Variants in SAMD5 observed in about 807,000 individuals in gnomAD.
The protein encoded by SAMD5 is sterile alpha motif domain containing 5, also known as sterile alpha motif domain-containing protein 5.
In SAMD5, 13 loss-of-function variants were observed where a neutral mutation model predicts 11.3. That is an observed-to-expected ratio of 1.15 (90% CI 0.75 to 1.83). The LOEUF is 1.83. Among genes scored for constraint, SAMD5 ranks in the 40% most tolerant of loss-of-function variants. The pLI, the probability that SAMD5 is intolerant of heterozygous loss-of-function variation, is 0.00. For synonymous variants in SAMD5, 129 were observed against 111.3 expected (o/e 1.16, Z -1.00); for missense variants, 255 against 239.1 (o/e 1.07, Z -0.44).
chr6:147,804,564 G>A, the SAMD5 span, among the ~76,000 whole-genome samples: 17 of 152,276 alleles, frequency 1.1e-4, 1 homozygote, highest in East Asian at 3.3e-3. Context: ...AGATAATCTA[G>A]CATCAAAGTT....
chr6:147,941,714 C>A, the SAMD5 span, among the ~76,000 whole-genome samples: 1 of 152,090 alleles, frequency 6.6e-6, no homozygotes, highest in Admixed American at 6.6e-5. Context: ...CAGAGCAACT[C>A]AATGAGAATG....
intron 1 of SAMD5, among the ~76,000 whole-genome samples, chr6:147,614,040 G>A (rs1366353514): frequency 1.3e-5 from 2 of 152,028 alleles, no homozygotes; most frequent in African/African-American, 4.8e-5. Flanking sequence ...GAGCAGAAAA[G>A]GAGCTGCTAA....
chr6:147,735,531 TG>T (rs527738962), intron 1 of SAMD5, among the ~76,000 whole-genome samples: 21 of 152,318 alleles, frequency 1.4e-4, no homozygotes, highest in Non-Finnish European at 2.4e-4. Context: ...GTGGAGATGG[TG>T]AGATTTCTGA....
At chr6:147,781,084 A>G in the SAMD5 span, among the ~76,000 whole-genome samples, 1 of 152,012 alleles carries the variant, frequency 6.6e-6, no homozygotes, top group Non-Finnish European at 1.5e-5. Flanking sequence ...TAATTGTCCT[A>G]ATTTTAGGCA....
At chr6:147,726,616 G>A (rs972320727) in intron 1 of SAMD5, among the ~76,000 whole-genome samples, 4 of 152,192 alleles carry the variant, frequency 2.6e-5, no homozygotes, top group African/African-American at 9.6e-5. Flanking sequence ...TATAGGGTGT[G>A]GGGGTTAAGA....
At chr6:147,859,443 T>C in the SAMD5 span, among the ~76,000 whole-genome samples, 1 of 152,348 alleles carries the variant, frequency 6.6e-6, no homozygotes, top group South Asian at 2.1e-4. Flanking sequence ...TAAATACTGA[T>C]GTCTGCTGAT....
intron 1 of SAMD5, among the ~76,000 whole-genome samples, chr6:147,548,036 A>T (rs919786969): frequency 6.6e-5 from 10 of 152,196 alleles, no homozygotes; most frequent in African/African-American, 2.4e-4. Context: ...GGGCATATAG[A>T]ATAGTTTACT....
At chr6:147,927,049 C>G in the SAMD5 span, among the ~76,000 whole-genome samples, 2 of 152,280 alleles carry the variant, frequency 1.3e-5, no homozygotes, top group South Asian at 4.1e-4. Context: ...CAGTACCAAG[C>G]TGTTTTGGTT....
the SAMD5 span, among the ~76,000 whole-genome samples, chr6:147,930,900 C>T: frequency 5.9e-5 from 9 of 152,226 alleles, no homozygotes; most frequent in East Asian, 3.8e-4. Context: ...TGCTCGCCCA[C>T]GCTGAGGGCA....
intron 1 of SAMD5, among the ~76,000 whole-genome samples, chr6:147,667,526 G>T (rs962841611): frequency 6.6e-6 from 1 of 152,138 alleles, no homozygotes; most frequent in Non-Finnish European, 1.5e-5. Flanking sequence ...TCCTTGTCCT[G>T]TTTGCATTTT....
chr6:147,605,160 CCAGG>C (rs1789681527), intron 1 of SAMD5, among the ~76,000 whole-genome samples: 1 of 152,118 alleles, frequency 6.6e-6, no homozygotes, highest in Non-Finnish European at 1.5e-5. Context: ...GCTCTGTTTT[CCAGG>C]CTGGAGTGCA....
intron 1 of SAMD5, among the ~76,000 whole-genome samples, chr6:147,698,802 G>A (rs1791214422): frequency 6.6e-6 from 1 of 152,206 alleles, no homozygotes; most frequent in East Asian, 1.9e-4. Context: ...ATATCATGGA[G>A]ATTAAACAGG....
intron 1 of SAMD5, among the ~76,000 whole-genome samples, chr6:147,653,769 T>C (rs1377214370): frequency 2.6e-5 from 4 of 152,234 alleles, no homozygotes; most frequent in Admixed American, 6.5e-5. Flanking sequence ...CTTTGTTTTT[T>C]GTTTTTTCTG....
chr6:147,552,488 A>T (rs1462630276), intron 1 of SAMD5, among the ~76,000 whole-genome samples: 2 of 152,154 alleles, frequency 1.3e-5, no homozygotes, highest in Non-Finnish European at 2.9e-5. Flanking sequence ...AAGAACATAG[A>T]CCCTTGAGGA....
the SAMD5 span, among the ~76,000 whole-genome samples, chr6:147,938,966 T>C: frequency 3.3e-5 from 5 of 152,186 alleles, no homozygotes; most frequent in Admixed American, 3.3e-4. Context: ...TCACTGTGGA[T>C]GCCAGTCACT....
At chr6:147,746,778 TAC>T in the SAMD5 span, among the ~76,000 whole-genome samples, 2 of 152,286 alleles carry the variant, frequency 1.3e-5, no homozygotes, top group African/African-American at 4.8e-5. Flanking sequence ...TAGCCTGGAA[TAC>T]AAGGACTAGT....
At chr6:147,880,272 C>T in the SAMD5 span, among the ~76,000 whole-genome samples, 28 of 151,948 alleles carry the variant, frequency 1.8e-4, no homozygotes, top group Non-Finnish European at 4.4e-5. Flanking sequence ...CAGTTCCTCT[C>T]TCTCTCTCTC....
At chr6:147,857,913 C>T in the SAMD5 span, among the ~76,000 whole-genome samples, 17 of 152,292 alleles carry the variant, frequency 1.1e-4, no homozygotes, top group South Asian at 2.7e-3. Flanking sequence ...TTTGAAGTCT[C>T]GAGATAGCTT....
chr6:147,830,251 CTTTTTTTTTTT>C, the SAMD5 span, among the ~76,000 whole-genome samples: 32 of 84,936 alleles, frequency 3.8e-4, no homozygotes, highest in African/African-American at 7.9e-4. Context: ...TTCTTTCTTT[CTTTTTTTTTTT>C]TTTTTTTTTT....
Sources: gnomAD v4.1 joint callset for allele counts (sites outside exome capture counted in the v4.1 genomes callset) on GRCh38, gnomAD v4.1.1 for gene constraint, MANE v1.5 for transcripts, NCBI Gene and HGNC (gene_info 2026-07-23, HGNC 2026-07-21) for gene names.